Variants in NAALADL2 observed in about 807,000 individuals in gnomAD.
NAALADL2 encodes inactive N-acetylated-alpha-linked acidic dipeptidase-like protein 2.
A neutral mutation model predicts 87.2 loss-of-function variants in NAALADL2; 76 were observed. That is an observed-to-expected ratio of 0.87 (90% CI 0.72 to 1.05). NAALADL2 has a LOEUF of 1.05. Among genes scored for constraint, NAALADL2 ranks in the 50% least tolerant of loss-of-function variants. The pLI is 0.00. For synonymous variants in NAALADL2, 354 were observed against 331.0 expected (o/e 1.07, Z -0.75); for missense variants, 1,089 against 945.8 (o/e 1.15, Z -1.99).
chr3:175,197,353 T>A (rs1183887466), intron 2 of NAALADL2, among the ~76,000 whole-genome samples: 1 of 152,080 alleles, frequency 6.6e-6, no homozygotes, highest in African/African-American at 2.4e-5. Context: ...TAGTAAATGA[T>A]AAAATAGACT....
In NAALADL2 at chr3:175,669,649, T is replaced by C. The variant is rs191243905; in HGVS notation, c.1896+42263T>C. On this transcript the variant is annotated intron_variant, in intron 11 of 13. Coordinates refer to ENST00000454872, the MANE Select transcript of NAALADL2 (RefSeq NM_207015.3). ...ATTTGCAGCACTGGGAGTAATGAGATTGATTTCCTTATTTGGCTTTGGAAT... is the reference window on the plus strand; with the variant it reads ...ATTTGCAGCACTGGGAGTAATGAGACTGATTTCCTTATTTGGCTTTGGAAT... Among the ~76,000 whole-genome samples the C allele has an allele frequency of 4.6e-5, 7 of 152,118 alleles. No homozygotes were observed. In the East Asian group the frequency reaches 1.4e-3, roughly 29 times the overall value.
At chr3:175,027,828 T>A (rs959014706) in intron 1 of NAALADL2, among the ~76,000 whole-genome samples, 30 of 152,072 alleles carry the variant, frequency 2.0e-4, no homozygotes, top group African/African-American at 7.0e-4. Flanking sequence ...TGGCAAATGG[T>A]TGCTTTTTAA....
chr3:175,409,931 G>C (rs544684466), intron 5 of NAALADL2, among the ~76,000 whole-genome samples: 203 of 152,036 alleles, frequency 1.3e-3, no homozygotes, highest in African/African-American at 4.7e-3. Context: ...GAAGAATCAG[G>C]GGATATTGCT....
At chr3:174,657,134 A>G (rs1326872305) in intron 2 of NAALADL2, among the ~76,000 whole-genome samples, 1 of 147,886 alleles carries the variant, frequency 6.8e-6, no homozygotes, top group Non-Finnish European at 1.5e-5. Flanking sequence ...TGCTCAAGCA[A>G]TCCTCCCACC....
At chr3:175,021,174 T>C (rs1751506475) in intron 1 of NAALADL2, among the ~76,000 whole-genome samples, 1 of 152,016 alleles carries the variant, frequency 6.6e-6, no homozygotes, top group Non-Finnish European at 1.5e-5. Context: ...CTCCTGTGTT[T>C]AGTCGCAGGT....
At chr3:175,569,028 A>C (rs1435552831) in intron 9 of NAALADL2, among the ~76,000 whole-genome samples, 1 of 152,196 alleles carries the variant, frequency 6.6e-6, no homozygotes, top group Non-Finnish European at 1.5e-5. Context: ...TGGAATGTTG[A>C]ATTTCAGTTA....
chr3:174,674,600 G>T (rs1009006354), intron 2 of NAALADL2, among the ~76,000 whole-genome samples: 1 of 151,758 alleles, frequency 6.6e-6, no homozygotes, highest in Admixed American at 6.6e-5. Context: ...TTAGCTTTTG[G>T]TGGAAATAAT....
intron 9 of NAALADL2, among the ~76,000 whole-genome samples, chr3:175,485,163 T>C (rs1035729548): frequency 6.6e-6 from 1 of 152,326 alleles, no homozygotes; most frequent in African/African-American, 2.4e-5. Context: ...ATAATACTCA[T>C]GTTGTTGCTA....
At chr3:175,011,011 T>C (rs1019642840) in intron 1 of NAALADL2, among the ~76,000 whole-genome samples, 9 of 152,158 alleles carry the variant, frequency 5.9e-5, no homozygotes, top group African/African-American at 2.2e-4. Context: ...GGTACTCCTA[T>C]CAGAATTACT....
intron 2 of NAALADL2, among the ~76,000 whole-genome samples, chr3:175,156,477 T>G (rs1732346577): frequency 6.6e-6 from 1 of 152,170 alleles, no homozygotes; most frequent in South Asian, 2.1e-4. Context: ...CTTTTTTATT[T>G]GAACACTATG....
At chr3:175,721,583 T>G (rs1001962463) in intron 11 of NAALADL2, among the ~76,000 whole-genome samples, 1 of 152,022 alleles carries the variant, frequency 6.6e-6, no homozygotes, top group Admixed American at 6.6e-5. Flanking sequence ...GTTTTTAAAA[T>G]GAATAATTAG....
chr3:175,726,262 C>A (rs1308830973), intron 11 of NAALADL2, among the ~76,000 whole-genome samples: 169 of 131,110 alleles, frequency 1.3e-3, no homozygotes, highest in African/African-American at 1.3e-3. Context: ...TACATTTGAC[C>A]AAAAAAAAAA....
intron 5 of NAALADL2, among the ~76,000 whole-genome samples, chr3:175,420,361 T>C (rs936878415): frequency 6.6e-6 from 1 of 151,972 alleles, no homozygotes; most frequent in Admixed American, 6.6e-5. Flanking sequence ...ACCTGAAGGG[T>C]CACAGAATAA....
chr3:175,100,217 A>T (rs1378999431), intron 2 of NAALADL2, among the ~76,000 whole-genome samples: 1 of 152,120 alleles, frequency 6.6e-6, no homozygotes, highest in African/African-American at 2.4e-5. Context: ...TAAGACCAAC[A>T]TGTAGCATGT....
At chr3:174,504,648 T>C (rs1719095891) in intron 1 of NAALADL2, among the ~76,000 whole-genome samples, 1 of 152,084 alleles carries the variant, frequency 6.6e-6, no homozygotes, top group Non-Finnish European at 1.5e-5. Flanking sequence ...TTACTGCCTA[T>C]TATATGCTGG....
At chr3:175,560,755 G>C (rs2149514495) in intron 9 of NAALADL2, among the ~76,000 whole-genome samples, 1 of 152,246 alleles carries the variant, frequency 6.6e-6, no homozygotes, top group Middle Eastern at 3.4e-3. Context: ...CCAAGTAGCT[G>C]GGATTACAGG....
intron 11 of NAALADL2, chr3:175,718,255 A>C: frequency 9.2e-7 from 1 of 1,091,198 alleles, no homozygotes; most frequent in Non-Finnish European, 1.3e-6. Flanking sequence ...CCTTCGGGCG[A>C]CTGAGGGAGT....
chr3:175,711,726 G>A (rs1263833368), intron 11 of NAALADL2, among the ~76,000 whole-genome samples: 2 of 151,854 alleles, frequency 1.3e-5, no homozygotes, highest in African/African-American at 4.8e-5. Flanking sequence ...TCTTGTTGCT[G>A]TTTTGTGTTC....
intron 5 of NAALADL2, among the ~76,000 whole-genome samples, chr3:175,364,470 T>C (rs1765346025): frequency 6.8e-6 from 1 of 147,910 alleles, no homozygotes; most frequent in East Asian, 2.0e-4. Flanking sequence ...CCTTGGGTTG[T>C]ACATTCGGGA....
Sources: allele counts gnomAD v4.1 joint callset (sites outside exome capture counted in the v4.1 genomes callset), GRCh38; gene constraint gnomAD v4.1.1; transcripts MANE v1.5; gene names NCBI Gene and HGNC (gene_info 2026-07-23, HGNC 2026-07-21).